DTNA: variants seen among roughly 807,000 people sequenced by gnomAD.
The protein encoded by DTNA is dystrobrevin alpha.
Under a neutral mutation model 100.7 loss-of-function variants are expected in DTNA, and 43 were observed. That is an observed-to-expected ratio of 0.43 (90% CI 0.33 to 0.55). The LOEUF (loss-of-function observed/expected upper bound fraction) is 0.55. DTNA is among the 20% of genes least tolerant of loss of function. The pLI is 0.04. For missense variants in DTNA, 798 were observed against 953.9 expected (o/e 0.84, Z 2.15); for synonymous variants, 349 against 347.9 (o/e 1.00, Z -0.04).
chr18:34,581,860 G>A (rs1416035846), intron 1 of DTNA, among the ~76,000 whole-genome samples: 1 of 152,090 alleles, frequency 6.6e-6, no homozygotes, highest in East Asian at 1.9e-4. Context: ...TTGACCTCGT[G>A]ATCCGCCCAC....
intron 1 of DTNA, among the ~76,000 whole-genome samples, chr18:34,586,358 C>T (rs2049133033): frequency 6.6e-6 from 1 of 151,828 alleles, no homozygotes; most frequent in South Asian, 2.1e-4. Context: ...GTCCTAGTTA[C>T]TTTGAGGTTG....
intron 1 of DTNA, among the ~76,000 whole-genome samples, chr18:34,515,876 A>T (rs2041553231): frequency 6.6e-6 from 1 of 152,126 alleles, no homozygotes; most frequent in Non-Finnish European, 1.5e-5. Flanking sequence ...TGCTTGTGGA[A>T]CATTAAAACT....
At chr18:34,867,751 C>A in intron 17 of DTNA, 2 of 985,482 alleles carry the variant, frequency 2.0e-6, no homozygotes, top group Non-Finnish European at 2.4e-6. Context: ...AGTTCGTAAA[C>A]AGATGGATGC....
intron 1 of DTNA, among the ~76,000 whole-genome samples, chr18:34,693,422 A>G (rs2080060886): frequency 6.6e-6 from 1 of 152,102 alleles, no homozygotes; most frequent in Admixed American, 6.6e-5. Context: ...AGTACTACCC[A>G]AATAATTAGC....
chr18:34,565,453 C>T (rs1023547990), intron 1 of DTNA, among the ~76,000 whole-genome samples: 27 of 152,258 alleles, frequency 1.8e-4, no homozygotes, highest in Admixed American at 1.3e-4. Context: ...AACAAATTAA[C>T]AGAAACTTGA....
chr18:34,620,635 G>A (rs1341768850), intron 1 of DTNA, among the ~76,000 whole-genome samples: 2 of 152,136 alleles, frequency 1.3e-5, no homozygotes, highest in Non-Finnish European at 2.9e-5. Flanking sequence ...TATGTTAGAA[G>A]GCGATGAGGA....
At chr18:34,618,863 A>G (rs2055873691) in intron 1 of DTNA, among the ~76,000 whole-genome samples, 1 of 152,152 alleles carries the variant, frequency 6.6e-6, no homozygotes, top group South Asian at 2.1e-4. Context: ...AAGTCTGTGG[A>G]TGCAATCTCT....
At chr18:34,731,525 G>A (rs1017616472) in intron 1 of DTNA, among the ~76,000 whole-genome samples, 1 of 152,160 alleles carries the variant, frequency 6.6e-6, no homozygotes, top group Admixed American at 6.5e-5. Flanking sequence ...TAGATAAAAG[G>A]GATATACAAT....
chr18:34,756,814 A>G (rs978952617), intron 2 of DTNA, among the ~76,000 whole-genome samples: 2 of 152,194 alleles, frequency 1.3e-5, no homozygotes, highest in African/African-American at 2.4e-5. Flanking sequence ...AGAAAACCAC[A>G]CATCTCAAGT....
rs879827067 is a variant in DTNA, at chr18:34,891,250, G to C, written c.*3516G>C. On this transcript the variant is annotated 3_prime_UTR_variant, in exon 23 of 23. Coordinates refer to ENST00000444659, the MANE Select transcript of DTNA (RefSeq NM_001386795.1). ...ATACTATTGTATGGATTTTTGTATT[G>C]CTGTTAAGTATTGTTTTGTGTGTGT... The C allele has an allele frequency of 3.3e-5, 5 of 149,506 alleles. No individual in the cohort carries two copies. Among genetic ancestry groups the C allele is most frequent in the Admixed American group, 3.3e-4 (5 of 15,050 alleles). 9.3% of individuals were successfully genotyped at this position (149,506 alleles called of 1,614,324 possible). A position where few individuals can be genotyped will look rare whatever the true frequency, so the allele number is the denominator to read the frequency against.
At chr18:34,723,297 C>T (rs1440739477) in intron 1 of DTNA, among the ~76,000 whole-genome samples, 1 of 152,184 alleles carries the variant, frequency 6.6e-6, no homozygotes, top group Non-Finnish European at 1.5e-5. Flanking sequence ...AGTTGATCTT[C>T]ACAACAGTCC....
intron 1 of DTNA, among the ~76,000 whole-genome samples, chr18:34,750,291 C>T (rs2092189011): frequency 6.6e-6 from 1 of 152,126 alleles, no homozygotes; most frequent in Non-Finnish European, 1.5e-5. Flanking sequence ...TAAATCTGGA[C>T]ACTGGGAATT....
At chr18:34,818,766 A>G in intron 8 of DTNA, 1 of 548,576 alleles carries the variant, frequency 1.8e-6, no homozygotes, top group Non-Finnish European at 2.5e-6. Context: ...TTAAAGAAAC[A>G]AGTATGAGAG....
intron 1 of DTNA, among the ~76,000 whole-genome samples, chr18:34,666,873 T>C (rs1264868615): frequency 6.6e-6 from 1 of 152,176 alleles, no homozygotes; most frequent in Admixed American, 6.5e-5. Context: ...CCAGCTTTGT[T>C]CTTTTGGCTT....
At chr18:34,558,670 A>T (rs1426596949) in intron 1 of DTNA, among the ~76,000 whole-genome samples, 7 of 152,170 alleles carry the variant, frequency 4.6e-5, no homozygotes, top group African/African-American at 1.7e-4. Flanking sequence ...AATTTTTTAC[A>T]TTCAATGGTC....
chr18:34,593,178 A>G (rs1173626549), intron 1 of DTNA: 1 of 152,244 alleles, frequency 6.6e-6, no homozygotes, highest in South Asian at 2.1e-4. Flanking sequence ...GTAAAAAGAC[A>G]GCTGAGTAAA....
chr18:34,755,866 A>G (rs545425739), intron 1 of DTNA, 110 bp from the exon 2 acceptor site: 8 of 919,694 alleles, frequency 8.7e-6, no homozygotes, highest in Non-Finnish European at 1.2e-5. Flanking sequence ...AGTTTTAAAT[A>G]GGTTTTCTAT....
chr18:34,750,754 G>T (rs1202558107), intron 1 of DTNA, among the ~76,000 whole-genome samples: 3 of 152,068 alleles, frequency 2.0e-5, no homozygotes, highest in Non-Finnish European at 4.4e-5. Flanking sequence ...CAAATGTAAG[G>T]CACCATTAGT....
intron 1 of DTNA, among the ~76,000 whole-genome samples, chr18:34,646,538 A>G (rs923679239): frequency 3.3e-5 from 5 of 152,218 alleles, no homozygotes; most frequent in African/African-American, 1.2e-4. Flanking sequence ...GCCACAAGTC[A>G]ATGCCTCATA....
Sources: gnomAD v4.1 joint callset for allele counts (sites outside exome capture counted in the v4.1 genomes callset) on GRCh38, gnomAD v4.1.1 for gene constraint, MANE v1.5 for transcripts, NCBI Gene and HGNC (gene_info 2026-07-23, HGNC 2026-07-21) for gene names.